Variants in ABI1 observed in about 807,000 individuals in gnomAD.
The protein encoded by ABI1 is Abelson interactor 1.
In ABI1, 14 loss-of-function variants were observed where a neutral mutation model predicts 54.6. The ratio of observed to expected loss-of-function variants is 0.26; its 90% CI spans 0.17 to 0.40. ABI1 has a LOEUF of 0.40. Ranked by LOEUF, ABI1 falls within the 10% of genes least tolerant of loss-of-function variation. ABI1 has a pLI of 1.00. For missense variants in ABI1, 443 were observed against 598.3 expected (o/e 0.74, Z 2.71); for synonymous variants, 194 against 209.3 (o/e 0.93, Z 0.63).
intron 2 of ABI1, among the ~76,000 whole-genome samples, chr10:26,790,074 A>G (rs1843217789): frequency 6.6e-6 from 1 of 152,212 alleles, no homozygotes; most frequent in African/African-American, 2.4e-5. Flanking sequence ...GCTATTGTGA[A>G]TAGTGCTACA....
At chr10:26,749,864 C>T (rs768589967) in intron 10 of ABI1, among the ~76,000 whole-genome samples, 3 of 152,206 alleles carry the variant, frequency 2.0e-5, no homozygotes, top group African/African-American at 7.2e-5. Context: ...GTAGTTGTGA[C>T]AGAGACTGTA....
intron 1 of ABI1, among the ~76,000 whole-genome samples, chr10:26,856,840 C>T (rs2050857656): frequency 6.6e-6 from 1 of 152,216 alleles, no homozygotes. Flanking sequence ...ACTCGGCTTT[C>T]CTTCCTATTT....
At chr10:26,794,911 A>C (rs1416343169) in intron 2 of ABI1, among the ~76,000 whole-genome samples, 1 of 152,126 alleles carries the variant, frequency 6.6e-6, no homozygotes, top group Non-Finnish European at 1.5e-5. Flanking sequence ...TGGGAGGCTG[A>C]GTTGGGCGGA....
At chr10:26,803,222 A>G (rs1230412424) in intron 2 of ABI1, among the ~76,000 whole-genome samples, 2 of 152,108 alleles carry the variant, frequency 1.3e-5, no homozygotes, top group Admixed American at 6.6e-5. Context: ...AATATGAGGG[A>G]AAAAAAGGGA....
intron 3 of ABI1, among the ~76,000 whole-genome samples, chr10:26,774,931 A>C (rs969461861): frequency 8.5e-5 from 13 of 152,084 alleles, no homozygotes; most frequent in African/African-American, 3.1e-4. Flanking sequence ...ATGAGGGTCT[A>C]CTCTCTTCAA....
In ABI1 at chr10:26,792,598, T is replaced by G. The variant is rs184338151; in HGVS notation, c.286-15357A>C. 1.5e-3 allele frequency among the ~76,000 whole-genome samples: 228 copies of G among 152,328 alleles called. 1 individual carries two copies. The highest frequency in any genetic ancestry group is 5.2e-3 in the African/African-American group (218 of 41,580). ...AATTAGGAGACCAAATTTGAAAACT[T>G]CTTTTTAAATGGTCAAGCAAGGCTT... is the stretch of plus-strand genomic sequence containing the variant. On this transcript the variant is annotated intron_variant, in intron 2 of 10. Coordinates refer to ENST00000376140, the MANE Select transcript of ABI1 (RefSeq NM_001012750.3).
intron 9 of ABI1, 126 bp from the exon 10 acceptor site, chr10:26,751,909 G>C (rs1216907869): frequency 2.3e-6 from 2 of 853,962 alleles, no homozygotes; most frequent in East Asian, 2.9e-5. Flanking sequence ...GCAATGATTA[G>C]AAATAAAAGC....
At chr10:26,779,770 C>T (rs1388544854) in intron 2 of ABI1, among the ~76,000 whole-genome samples, 2 of 152,136 alleles carry the variant, frequency 1.3e-5, no homozygotes, top group Non-Finnish European at 2.9e-5. Flanking sequence ...GAAAGGGCCT[C>T]AGCATTTTCT....
intron 2 of ABI1, among the ~76,000 whole-genome samples, chr10:26,788,525 T>C (rs1349536644): frequency 6.6e-6 from 1 of 152,200 alleles, no homozygotes; most frequent in Non-Finnish European, 1.5e-5. Flanking sequence ...ATTTGAAATA[T>C]GATGAATGTG....
At chr10:26,765,108 T>C in intron 7 of ABI1, 110 bp downstream of exon 7, 2 of 773,548 alleles carry the variant, frequency 2.6e-6, no homozygotes, top group South Asian at 1.8e-5. Context: ...CTAGCAACGA[T>C]CACAAATTTA....
rs956351483 is a variant in ABI1 at position 26,748,272 on chromosome 10, C to T, written c.*298G>A. 14 of 273,618 alleles carry T rather than the reference C, an allele frequency of 5.1e-5. No homozygotes were observed. Among genetic ancestry groups the T allele is most frequent in the African/African-American group, 2.4e-4 (11 of 46,604 alleles). The allele number at this position is 273,618 out of a possible 1,614,324, so 16.9% of individuals were successfully genotyped here. A position where few individuals can be genotyped will look rare whatever the true frequency, so the allele number is the denominator to read the frequency against. On this transcript the variant is annotated 3_prime_UTR_variant, in exon 11 of 11. Coordinates refer to ENST00000376140, the MANE Select transcript of ABI1 (RefSeq NM_001012750.3). ...TAATGGTACAATCTGAATCATGATTCGTTAAATATTATACCCCACTTCCCC... is the reference window on the plus strand; with the variant it reads ...TAATGGTACAATCTGAATCATGATTTGTTAAATATTATACCCCACTTCCCC...
intron 2 of ABI1, among the ~76,000 whole-genome samples, chr10:26,820,104 T>A (rs1211213548): frequency 1.3e-5 from 2 of 152,144 alleles, no homozygotes; most frequent in African/African-American, 4.8e-5. Flanking sequence ...GTTCTGGAGA[T>A]CTAATGTACA....
intron 8 of ABI1, among the ~76,000 whole-genome samples, chr10:26,757,366 C>A (rs1334936246): frequency 5.3e-5 from 8 of 152,038 alleles, no homozygotes; most frequent in Non-Finnish European, 7.4e-5. Flanking sequence ...AAATAATCCA[C>A]ACAAGCATTG....
At chr10:26,815,453 AAC>A (rs2047502285) in intron 2 of ABI1, among the ~76,000 whole-genome samples, 1 of 152,238 alleles carries the variant, frequency 6.6e-6, no homozygotes, top group South Asian at 2.1e-4. Flanking sequence ...AGCTCAGCAG[AAC>A]ACAGAGAATA....
chr10:26,855,699 G>A (rs977511005), intron 1 of ABI1, among the ~76,000 whole-genome samples: 5 of 152,142 alleles, frequency 3.3e-5, no homozygotes, highest in South Asian at 2.1e-4. Flanking sequence ...GGCCGGGTGC[G>A]GTGGCTCACA....
At chr10:26,842,429 C>T (rs183593109) in intron 1 of ABI1, among the ~76,000 whole-genome samples, 10 of 152,222 alleles carry the variant, frequency 6.6e-5, no homozygotes, top group African/African-American at 2.2e-4. Flanking sequence ...TTCAGTTTGA[C>T]GTCATTCCAT....
chr10:26,763,863 T>C, intron 7 of ABI1: 3 of 1,604,178 alleles, frequency 1.9e-6, no homozygotes, highest in South Asian at 2.2e-5. Flanking sequence ...ATGGCTCCAA[T>C]GGCTATGCAA....
At chr10:26,821,105 C>T (rs566123673) in intron 2 of ABI1, among the ~76,000 whole-genome samples, 9 of 150,820 alleles carry the variant, frequency 6.0e-5, no homozygotes, top group Non-Finnish European at 1.2e-4. Context: ...GTTCACTGGG[C>T]GTGGTGAGGT....
At chr10:26,820,800 C>A (rs1039304898) in intron 2 of ABI1, among the ~76,000 whole-genome samples, 1 of 151,122 alleles carries the variant, frequency 6.6e-6, no homozygotes, top group Non-Finnish European at 1.5e-5. Context: ...CTTGGTCAGG[C>A]TGGTCTTGAA....
Sources: allele counts gnomAD v4.1 joint callset (sites outside exome capture counted in the v4.1 genomes callset), GRCh38; gene constraint gnomAD v4.1.1; transcripts MANE v1.5; gene names NCBI Gene and HGNC (gene_info 2026-07-23, HGNC 2026-07-21).